LTBP1: variants seen among roughly 807,000 people sequenced by gnomAD.
LTBP1 encodes the protein latent-transforming growth factor beta-binding protein 1.
In LTBP1, 129 loss-of-function variants were observed where a neutral mutation model predicts 207.6. The ratio of observed to expected loss-of-function variants is 0.62; its 90% CI spans 0.54 to 0.72. The LOEUF is 0.72. Ranked by LOEUF, LTBP1 falls within the 30% of genes least tolerant of loss-of-function variation. The pLI is 0.00. For missense variants in LTBP1, 2,281 were observed against 2,217.2 expected (o/e 1.03, Z -0.58); for synonymous variants, 963 against 833.7 (o/e 1.16, Z -2.67).
Position 33,340,135 on chromosome 2 carries a change from G to A in LTBP1, c.3731-2703G>A, listed in dbSNP as rs1276490009. The stretch of plus-strand genomic sequence containing the variant: ...TAGCCAGGCGTGGTGGCGAGCGCCT[G>A]TAGTCCCAGCTACTCAGGAGACTGA... On this transcript the variant is annotated intron_variant, in intron 24 of 33. Transcript: ENST00000404816. 2.6e-5 allele frequency among the ~76,000 whole-genome samples: 4 copies of A among 151,922 alleles called. No homozygotes were observed. In the East Asian group the frequency reaches 7.8e-4, roughly 29 times the overall value.
chr2:33,399,439 G>C lies in LTBP1; in HGVS notation c.*894G>C, dbSNP rs914900378. 2 of 152,152 alleles carry C rather than the reference G, an allele frequency of 1.3e-5. No homozygotes were observed. The highest frequency in any genetic ancestry group is 2.9e-5 in the Non-Finnish European group (2 of 68,034). 9.4% of individuals were successfully genotyped at this position (152,152 alleles called of 1,614,324 possible). On this transcript the variant is annotated 3_prime_UTR_variant, in exon 34 of 34. Coordinates refer to ENST00000404816, the MANE Select transcript of LTBP1 (RefSeq NM_206943.4). ...ACTCTCCCCACTTTTATCTTTTCCA[G>C]TGGTCTTCTGTTAATGTAGTGTCTT...
At chr2:33,230,806 G>C (rs2091741024) in intron 9 of LTBP1, among the ~76,000 whole-genome samples, 1 of 152,176 alleles carries the variant, frequency 6.6e-6, no homozygotes, top group Non-Finnish European at 1.5e-5. Context: ...TTAAAAGCAA[G>C]TATCTCTTTT....
At chr2:33,370,997 G>A (rs1360574812) in intron 31 of LTBP1, among the ~76,000 whole-genome samples, 4 of 152,230 alleles carry the variant, frequency 2.6e-5, no homozygotes, top group Non-Finnish European at 5.9e-5. Flanking sequence ...ACTGGTAGGT[G>A]CAGGAGGTAG....
intron 3 of LTBP1, among the ~76,000 whole-genome samples, chr2:33,059,381 C>T (rs2077160140): frequency 6.6e-6 from 1 of 152,164 alleles, no homozygotes; most frequent in Non-Finnish European, 1.5e-5. Context: ...AGTAATGAGA[C>T]CCATAAATCA....
chr2:33,368,204 C>T (rs1211313316), intron 31 of LTBP1, among the ~76,000 whole-genome samples: 4 of 149,892 alleles, frequency 2.7e-5, no homozygotes, highest in Non-Finnish European at 5.9e-5. Flanking sequence ...GAGACTCTGT[C>T]TCAAAAAAAA....
chr2:32,973,695 T>C (rs1049227528), intron 2 of LTBP1, among the ~76,000 whole-genome samples: 1 of 152,142 alleles, frequency 6.6e-6, no homozygotes, highest in Non-Finnish European at 1.5e-5. Context: ...ATTCATTCTT[T>C]CTATTTTTTT....
intron 15 of LTBP1, among the ~76,000 whole-genome samples, chr2:33,270,589 CAAAAAAA>C (rs397961095): frequency 2.7e-5 from 2 of 75,340 alleles, no homozygotes; most frequent in African/African-American, 5.7e-5. Flanking sequence ...GACTCCGTCT[CAAAAAAA>C]AAAAAAAAAA....
At chr2:32,969,590 C>G (rs1283925619) in intron 2 of LTBP1, among the ~76,000 whole-genome samples, 1 of 152,118 alleles carries the variant, frequency 6.6e-6, no homozygotes. Flanking sequence ...CATGTTGTTG[C>G]AAAGGACATG....
intron 3 of LTBP1, among the ~76,000 whole-genome samples, chr2:33,048,707 G>A (rs1254278445): frequency 2.0e-5 from 3 of 152,156 alleles, no homozygotes; most frequent in Non-Finnish European, 2.9e-5. Context: ...TGTGTGCTCC[G>A]TTGACAGGGG....
At chr2:33,053,857 A>T (rs1197434057) in intron 3 of LTBP1, among the ~76,000 whole-genome samples, 3 of 152,164 alleles carry the variant, frequency 2.0e-5, no homozygotes, top group Non-Finnish European at 2.9e-5. Context: ...GAGGCTTCCA[A>T]ACTGGTAGCC....
chr2:33,010,605 T>G (rs758149874), intron 2 of LTBP1, among the ~76,000 whole-genome samples: 2 of 152,218 alleles, frequency 1.3e-5, no homozygotes, highest in Admixed American at 1.3e-4. Flanking sequence ...ACACATTCTC[T>G]GCAGGTAACA....
At chr2:33,209,394 T>C (rs1406285999) in intron 7 of LTBP1, among the ~76,000 whole-genome samples, 1 of 152,192 alleles carries the variant, frequency 6.6e-6, no homozygotes, top group Non-Finnish European at 1.5e-5. Context: ...GTCTTGGTTC[T>C]CTGGCACCAA....
At position 33,299,053 on chromosome 2, in the gene LTBP1, A is replaced by T. The variant is rs1363357872; in HGVS notation, c.3236-1398A>T. Among the ~76,000 whole-genome samples, 4 of 152,114 alleles carry T rather than the reference A, an allele frequency of 2.6e-5. No homozygotes were observed. In the South Asian group the frequency reaches 8.3e-4, roughly 32 times the overall value. On this transcript the variant is annotated intron_variant, in intron 20 of 33. Coordinates refer to ENST00000404816, the MANE Select transcript of LTBP1 (RefSeq NM_206943.4). ...CACTTTGGGAGAACGAGGCAGGCGGATCATGAGGTCAAGAGATCAAGACCA... is the reference window on the plus strand; with the variant it reads ...CACTTTGGGAGAACGAGGCAGGCGGTTCATGAGGTCAAGAGATCAAGACCA...
intron 4 of LTBP1, among the ~76,000 whole-genome samples, chr2:33,116,590 C>T (rs979329773): frequency 8.0e-5 from 12 of 149,326 alleles, no homozygotes; most frequent in African/African-American, 3.1e-4. Context: ...AAGGACAAGC[C>T]CACTGTTTAC....
intron 31 of LTBP1, among the ~76,000 whole-genome samples, chr2:33,366,642 C>T (rs557366922): frequency 2.2e-4 from 33 of 152,328 alleles, no homozygotes; most frequent in African/African-American, 7.9e-4. Flanking sequence ...ATAGCAGCTG[C>T]ATGACAAGGG....
intron 3 of LTBP1, among the ~76,000 whole-genome samples, chr2:33,052,831 A>G (rs1262022847): frequency 6.6e-6 from 1 of 151,548 alleles, no homozygotes. Context: ...AGTCATTGTA[A>G]GCTCTTTCAG....
chr2:33,259,539 C>A (rs750191372), intron 12 of LTBP1, 49 bp from the exon 13 acceptor site: 99 of 1,348,434 alleles, frequency 7.3e-5, no homozygotes, highest in Non-Finnish European at 1.4e-5. Context: ...ATATAATAGA[C>A]TGAATTGTCT....
intron 4 of LTBP1, among the ~76,000 whole-genome samples, chr2:33,131,694 G>A (rs2081807691): frequency 6.6e-6 from 1 of 152,224 alleles, no homozygotes; most frequent in Admixed American, 6.5e-5. Context: ...ATAGCAGAAT[G>A]CTTGTAAAAC....
At chr2:33,305,206 C>T (rs908767456) in intron 22 of LTBP1, among the ~76,000 whole-genome samples, 1 of 151,878 alleles carries the variant, frequency 6.6e-6, no homozygotes. Flanking sequence ...TGCCTGTAGT[C>T]CCAACTACTC....
Sources: allele counts gnomAD v4.1 joint callset (sites outside exome capture counted in the v4.1 genomes callset), GRCh38; gene constraint gnomAD v4.1.1; transcripts MANE v1.5; gene names NCBI Gene and HGNC (gene_info 2026-07-23, HGNC 2026-07-21).